Variants in AFG2B observed in about 807,000 individuals in gnomAD.
The protein encoded by AFG2B is AAA ATPase AFG2B.
chr15:45,417,446 T>A, the AFG2B span: 1 of 1,603,876 alleles, frequency 6.2e-7, no homozygotes, highest in South Asian at 1.1e-5. Flanking sequence ...AGAATTGAAT[T>A]CCAACTTGGA....
At chr15:45,417,465 T>A in the AFG2B span, 1 of 1,563,016 alleles carries the variant, frequency 6.4e-7, no homozygotes. Context: ...GATATAGGTG[T>A]CCATGGTGTT....
the AFG2B span, among the ~76,000 whole-genome samples, chr15:45,409,688 G>A: frequency 2.0e-5 from 3 of 151,622 alleles, no homozygotes; most frequent in Admixed American, 6.6e-5. Flanking sequence ...TAGGGAGACC[G>A]CATCTCTACA....
chr15:45,409,640 C>T, the AFG2B span, among the ~76,000 whole-genome samples: 55 of 151,958 alleles, frequency 3.6e-4, no homozygotes, highest in Middle Eastern at 3.4e-3. Flanking sequence ...GTGGGAGGAT[C>T]GCTCGAGCCC....
chr15:45,411,056 G>T, the AFG2B span, among the ~76,000 whole-genome samples: 2 of 152,018 alleles, frequency 1.3e-5, no homozygotes, highest in Non-Finnish European at 1.5e-5. Flanking sequence ...ACAAAAATTA[G>T]CTGGGCATGC....
chr15:45,414,887 T>G, the AFG2B span: 1 of 953,924 alleles, frequency 1.0e-6, no homozygotes, highest in Non-Finnish European at 1.5e-6. Context: ...AGTTAAAAAA[T>G]TTATACGTTT....
the AFG2B span, chr15:45,405,196 A>C: frequency 2.1e-6 from 2 of 931,874 alleles, no homozygotes; most frequent in East Asian, 2.7e-5. Context: ...CTCACCCCCA[A>C]CCCTTCCCAG....
the AFG2B span, among the ~76,000 whole-genome samples, chr15:45,418,988 A>G: frequency 6.6e-6 from 1 of 152,226 alleles, no homozygotes; most frequent in African/African-American, 2.4e-5. Flanking sequence ...AGGCTTTCTG[A>G]GAAAGGAGAT....
chr15:45,407,233 C>G, the AFG2B span: 1 of 1,195,050 alleles, frequency 8.4e-7, no homozygotes, highest in Non-Finnish European at 1.1e-6. Context: ...GGTACTGGCT[C>G]CATCTTTTAT....
the AFG2B span, among the ~76,000 whole-genome samples, chr15:45,419,620 C>T: frequency 2.0e-5 from 3 of 152,104 alleles, no homozygotes; most frequent in African/African-American, 7.2e-5. Context: ...AAAGTGATCA[C>T]ATTTTTATAA....
At chr15:45,403,113 G>T in the AFG2B span, 14 of 1,509,804 alleles carry the variant, frequency 9.3e-6, no homozygotes, top group African/African-American at 1.9e-4. Context: ...CCCTGACCGC[G>T]CTGGGCTTAG....
At chr15:45,407,632 A>C in the AFG2B span, among the ~76,000 whole-genome samples, 1 of 152,236 alleles carries the variant, frequency 6.6e-6, no homozygotes, top group Admixed American at 6.5e-5. Flanking sequence ...CTCACTTTCC[A>C]GAGATGACAA....
the AFG2B span, among the ~76,000 whole-genome samples, chr15:45,420,883 T>C: frequency 2.6e-5 from 4 of 152,060 alleles, no homozygotes; most frequent in Non-Finnish European, 5.9e-5. Context: ...TCCCAGCTAC[T>C]TGGGAGGCTG....
chr15:45,421,086 C>T, the AFG2B span: 2 of 1,613,656 alleles, frequency 1.2e-6, no homozygotes, highest in Admixed American at 1.7e-5. Context: ...GACGCAACTA[C>T]AGTGAAACAA....
chr15:45,405,309 T>A, the AFG2B span: 14 of 1,606,230 alleles, frequency 8.7e-6, no homozygotes, highest in Non-Finnish European at 1.1e-5. Flanking sequence ...TTTGTTTTGC[T>A]TTGCATATAG....
the AFG2B span, among the ~76,000 whole-genome samples, chr15:45,410,188 G>T: frequency 1.3e-5 from 2 of 152,306 alleles, no homozygotes; most frequent in South Asian, 2.1e-4. Context: ...TTTCGGGGAA[G>T]AATTACTGGC....
chr15:45,418,440 C>T, the AFG2B span: 1 of 994,798 alleles, frequency 1.0e-6, no homozygotes, highest in Non-Finnish European at 1.4e-6. Flanking sequence ...TTTCTAACCC[C>T]TATATATATT....
chr15:45,417,349 C>T, the AFG2B span: 104 of 1,613,898 alleles, frequency 6.4e-5, no homozygotes, highest in Non-Finnish European at 7.1e-5. Flanking sequence ...TGCTTTGTTA[C>T]GACCTGGAAG....
the AFG2B span, among the ~76,000 whole-genome samples, chr15:45,411,149 C>T: frequency 6.6e-6 from 1 of 152,080 alleles, no homozygotes; most frequent in East Asian, 1.9e-4. Context: ...TTGCAGTGAG[C>T]CAAGATCCCA....
At chr15:45,411,633 A>T in the AFG2B span, among the ~76,000 whole-genome samples, 2 of 152,096 alleles carry the variant, frequency 1.3e-5, no homozygotes, top group South Asian at 2.1e-4. Flanking sequence ...AAATTTTTTT[A>T]AATTAGCCAG....
Sources: allele counts gnomAD v4.1 joint callset (sites outside exome capture counted in the v4.1 genomes callset), GRCh38; gene constraint gnomAD v4.1.1; transcripts MANE v1.5; gene names NCBI Gene and HGNC (gene_info 2026-07-23, HGNC 2026-07-21).